Variants in CNTNAP2 observed in about 807,000 individuals in gnomAD.
CNTNAP2 encodes contactin associated protein 2, also known as contactin-associated protein-like 2.
CNTNAP2 carries 98 observed loss-of-function variants against 155.2 expected under a neutral mutation model. The ratio of observed to expected loss-of-function variants is 0.63; its 90% confidence interval spans 0.54 to 0.75. CNTNAP2 has a LOEUF of 0.75. Among genes scored for constraint, CNTNAP2 ranks in the 30% least tolerant of loss-of-function variants. The pLI is 0.00. For synonymous variants in CNTNAP2, 651 were observed against 631.2 expected (o/e 1.03, Z -0.47); for missense variants, 1,727 against 1,688.1 (o/e 1.02, Z -0.40).
At chr7:147,810,109 A>G (rs1328338605) in intron 13 of CNTNAP2, among the ~76,000 whole-genome samples, 1 of 152,196 alleles carries the variant, frequency 6.6e-6, no homozygotes, top group African/African-American at 2.4e-5. Context: ...TTTGTATGGC[A>G]GATGCCAAGT....
chr7:147,557,022 C>A lies in CNTNAP2; in HGVS notation c.1778-5116C>A, dbSNP rs895600415. 2.0e-5 allele frequency among the ~76,000 whole-genome samples: 3 copies of A among 151,060 alleles called. No individual in the cohort carries two copies. The East Asian group carries it at 5.8e-4, about 29-fold the overall frequency. Reference sequence around the variant, plus strand: ...CAGCACTTTGGGAGGCTGAGGCAGGCGGGGGTCGGGAGGCTGAGGCAGGCG... The same window carrying A: ...CAGCACTTTGGGAGGCTGAGGCAGGAGGGGGTCGGGAGGCTGAGGCAGGCG... On this transcript the variant is annotated intron_variant, in intron 11 of 23. Transcript: ENST00000361727.
intron 8 of CNTNAP2, among the ~76,000 whole-genome samples, chr7:147,200,958 G>T (rs1284747620): frequency 6.6e-6 from 1 of 152,158 alleles, no homozygotes; most frequent in African/African-American, 2.4e-5. Flanking sequence ...TCAACTGAGG[G>T]TCATGTTAGT....
intron 15 of CNTNAP2, among the ~76,000 whole-genome samples, chr7:147,982,784 G>A (rs1479209780): frequency 2.0e-5 from 3 of 152,012 alleles, no homozygotes; most frequent in East Asian, 1.9e-4. Flanking sequence ...TTGGGAAGCC[G>A]AGGCAGGCAG....
intron 9 of CNTNAP2, among the ~76,000 whole-genome samples, chr7:147,394,162 T>C (rs1796770004): frequency 6.6e-6 from 1 of 151,750 alleles, no homozygotes; most frequent in South Asian, 2.1e-4. Context: ...TTTATAAGAG[T>C]CTTTTTCCCC....
At chr7:147,295,477 T>C (rs1426747398) in intron 8 of CNTNAP2, among the ~76,000 whole-genome samples, 1 of 152,146 alleles carries the variant, frequency 6.6e-6, no homozygotes, top group Admixed American at 6.6e-5. Context: ...GTAGACTCAG[T>C]CCTTCCCTAT....
intron 1 of CNTNAP2, among the ~76,000 whole-genome samples, chr7:146,189,150 A>G (rs945464323): frequency 1.3e-5 from 2 of 152,310 alleles, no homozygotes; most frequent in African/African-American, 4.8e-5. Context: ...GACATTTTCT[A>G]ATTCTCTCAG....
At chr7:146,525,387 G>A (rs536122006) in intron 1 of CNTNAP2, among the ~76,000 whole-genome samples, 1 of 152,124 alleles carries the variant, frequency 6.6e-6, no homozygotes, top group Non-Finnish European at 1.5e-5. Flanking sequence ...TATTAAAAAT[G>A]GGTTTCTAAT....
chr7:146,832,079 G>A (rs375632999), intron 2 of CNTNAP2, among the ~76,000 whole-genome samples: 1 of 152,134 alleles, frequency 6.6e-6, no homozygotes, highest in South Asian at 2.1e-4. Flanking sequence ...CTTGGTTGAA[G>A]CCTGTTTATC....
At chr7:146,813,880 G>A (rs1460898688) in intron 2 of CNTNAP2, among the ~76,000 whole-genome samples, 1 of 152,134 alleles carries the variant, frequency 6.6e-6, no homozygotes, top group African/African-American at 2.4e-5. Flanking sequence ...TTATGGTAGT[G>A]AGTGAGTTCT....
intron 1 of CNTNAP2, among the ~76,000 whole-genome samples, chr7:146,352,754 T>TTTTTTTTTTTG (rs1470124573): frequency 1.7e-5 from 2 of 116,234 alleles, no homozygotes; most frequent in African/African-American, 7.6e-5. Flanking sequence ...AATTCTGTTT[T>TTTTTTTTTTTG]TTTTTTTTTT....
At chr7:147,762,538 T>A (rs1053491616) in intron 13 of CNTNAP2, among the ~76,000 whole-genome samples, 1 of 152,010 alleles carries the variant, frequency 6.6e-6, no homozygotes, top group Admixed American at 6.6e-5. Context: ...GATGAGCCAT[T>A]TCCAGATGCT....
intron 13 of CNTNAP2, among the ~76,000 whole-genome samples, chr7:147,692,623 G>A (rs1796103868): frequency 6.6e-6 from 1 of 151,932 alleles, no homozygotes; most frequent in Non-Finnish European, 1.5e-5. Context: ...TTTTTCTTAT[G>A]CTTATCTGCC....
chr7:147,656,331 G>A (rs1274094384), intron 13 of CNTNAP2, among the ~76,000 whole-genome samples: 2 of 152,170 alleles, frequency 1.3e-5, no homozygotes, highest in Admixed American at 6.5e-5. Context: ...GCTGTTTGGC[G>A]CAAGAGGGTT....
chr7:148,186,663 G>T (rs917503162), intron 18 of CNTNAP2, among the ~76,000 whole-genome samples: 1 of 152,134 alleles, frequency 6.6e-6, no homozygotes, highest in Non-Finnish European at 1.5e-5. Flanking sequence ...TCAAATTCCT[G>T]TGCCTGTAAG....
intron 2 of CNTNAP2, among the ~76,000 whole-genome samples, chr7:146,788,940 C>T (rs1802625832): frequency 6.6e-6 from 1 of 152,030 alleles, no homozygotes; most frequent in South Asian, 2.1e-4. Context: ...GTGGGTGTCA[C>T]CTGAAGACAT....
intron 2 of CNTNAP2, among the ~76,000 whole-genome samples, chr7:146,780,976 C>G (rs565591268): frequency 2.4e-4 from 37 of 152,114 alleles, no homozygotes; most frequent in African/African-American, 8.7e-4. Context: ...CGCCTGTAAT[C>G]CCAGCACTTT....
intron 16 of CNTNAP2, among the ~76,000 whole-genome samples, chr7:148,144,130 C>T (rs766997770): frequency 6.6e-6 from 1 of 152,178 alleles, no homozygotes; most frequent in Non-Finnish European, 1.5e-5. Context: ...TCCACTTTTG[C>T]CTGCCTTCTG....
intron 11 of CNTNAP2, among the ~76,000 whole-genome samples, chr7:147,513,675 T>C (rs1427719888): frequency 6.6e-6 from 1 of 152,236 alleles, no homozygotes; most frequent in East Asian, 1.9e-4. Flanking sequence ...AAGCCAAAAA[T>C]ACAGGCTGCA....
At chr7:147,933,665 G>A (rs922634322) in intron 14 of CNTNAP2, among the ~76,000 whole-genome samples, 9 of 152,126 alleles carry the variant, frequency 5.9e-5, no homozygotes, top group African/African-American at 1.7e-4. Flanking sequence ...AGGTGTTCGG[G>A]ACCAGCCTGA....
Sources: allele counts gnomAD v4.1 joint callset (sites outside exome capture counted in the v4.1 genomes callset), GRCh38; gene constraint gnomAD v4.1.1; transcripts MANE v1.5; gene names NCBI Gene and HGNC (gene_info 2026-07-23, HGNC 2026-07-21).